Variants in MCF2L2 observed in about 807,000 individuals in gnomAD.
The protein encoded by MCF2L2 is MCF.2 cell line derived transforming sequence-like 2.
Under a neutral mutation model 150.2 loss-of-function variants are expected in MCF2L2, and 102 were observed. That is an observed-to-expected ratio of 0.68 (90% CI 0.58 to 0.80). The LOEUF (loss-of-function observed/expected upper bound fraction) is 0.80, where lower values mean the gene tolerates loss of function less well. MCF2L2 is among the 30% of genes least tolerant of loss of function. The probability of loss-of-function intolerance (pLI) is 0.00; values close to 1 mark genes in which losing one functional copy is unlikely to be tolerated. For missense variants in MCF2L2, 1,256 were observed against 1,372.8 expected, an observed-to-expected ratio of 0.91 and a Z score of 1.34; for synonymous variants, 465 against 491.3, an observed-to-expected ratio of 0.95 and a Z score of 0.71.
intron 14 of MCF2L2, among the ~76,000 whole-genome samples, chr3:183,284,753 T>C (rs1577023558): frequency 1.3e-5 from 2 of 152,076 alleles, no homozygotes; most frequent in South Asian, 2.1e-4. Flanking sequence ...ACCTCCCTAA[T>C]TAGAATCTCA....
At chr3:183,322,359 G>C (rs1162338898) in intron 6 of MCF2L2, among the ~76,000 whole-genome samples, 1 of 152,066 alleles carries the variant, frequency 6.6e-6, no homozygotes, top group South Asian at 2.1e-4. Flanking sequence ...TCACACTTTG[G>C]GCCAGAGGAT....
In MCF2L2 at chr3:183,223,368, A is replaced by C; in HGVS notation, c.2279T>G (p.Ile760Arg). ...KYLKGPSQRLIKYQMLLKGLL... is the reference protein window; with the variant it reads ...KYLKGPSQRLRKYQMLLKGLL... ...TACCTTCAACAGCATCTGGTATTTT[A>C]TAAGTCTCTGGCTTGGTCCTTTGAG... Residue 760 changes from isoleucine (I) to arginine (R), a missense_variant, in exon 20 of 30, where the codon ATA becomes AGA. Physicochemically the swap from Ile to Arg is moderately conservative, Grantham distance 97 (BLOSUM62 -3). Transcript: ENST00000328913. 1 of 1,614,038 alleles carries C rather than the reference A, an allele frequency of 6.2e-7. No individual in the cohort carries two copies. The highest frequency in any genetic ancestry group is 8.5e-7 in the Non-Finnish European group (1 of 1,179,864).
chr3:183,196,235 C>T lies in MCF2L2; in HGVS notation c.2885-980G>A, dbSNP rs567528956. ...ATGTCCTCTTCTGTCTGGTTACCTC[C>T]GAGAGGCCCTCTCTCTACATCCCTC... On this transcript the variant is annotated intron_variant, in intron 25 of 29. Transcript: ENST00000328913. 3.3e-5 allele frequency among the ~76,000 whole-genome samples: 5 copies of T among 152,298 alleles called. No homozygotes were observed. In the South Asian group the frequency reaches 6.2e-4, roughly 19 times the overall value.
intron 1 of MCF2L2, among the ~76,000 whole-genome samples, chr3:183,406,806 T>C (rs893804591): frequency 2.0e-5 from 3 of 152,142 alleles, no homozygotes; most frequent in African/African-American, 7.2e-5. Flanking sequence ...AAATCTTTTT[T>C]CCCCAGATGG....
intron 3 of MCF2L2, among the ~76,000 whole-genome samples, chr3:183,347,175 C>T (rs144020402): frequency 0.067 from 10,184 of 152,144 alleles, 785 homozygotes; most frequent in African/African-American, 0.19. Flanking sequence ...CTACAGTAAC[C>T]AAAACAGCAT....
chr3:183,293,301 G>A (rs533240569), intron 13 of MCF2L2, among the ~76,000 whole-genome samples: 1 of 152,292 alleles, frequency 6.6e-6, no homozygotes, highest in East Asian at 1.9e-4. Context: ...ATATCTGAAA[G>A]ACATAAAAAC....
chr3:183,353,929 T>A (rs528962594), intron 3 of MCF2L2, among the ~76,000 whole-genome samples: 1 of 152,274 alleles, frequency 6.6e-6, no homozygotes, highest in Non-Finnish European at 1.5e-5. Context: ...ACTTTTTTTT[T>A]AATAGGAAGA....
chr3:183,364,371 T>C (rs1159180773), intron 3 of MCF2L2, among the ~76,000 whole-genome samples: 1 of 150,572 alleles, frequency 6.6e-6, no homozygotes, highest in Non-Finnish European at 1.5e-5. Context: ...AAAAAAAAAA[T>C]TAGCTGGGCA....
chr3:183,414,089 T>C (rs1715461610), intron 1 of MCF2L2, among the ~76,000 whole-genome samples: 1 of 152,234 alleles, frequency 6.6e-6, no homozygotes, highest in African/African-American at 2.4e-5. Context: ...ACTGACTTCA[T>C]AAAATGAGTT....
chr3:183,382,935 C>A (rs1713617941), intron 2 of MCF2L2, among the ~76,000 whole-genome samples: 1 of 152,180 alleles, frequency 6.6e-6, no homozygotes, highest in African/African-American at 2.4e-5. Context: ...TGCAAAGCAT[C>A]TTCCTACTGC....
chr3:183,285,922 T>A (rs1013964713), intron 14 of MCF2L2, among the ~76,000 whole-genome samples: 1 of 152,180 alleles, frequency 6.6e-6, no homozygotes, highest in African/African-American at 2.4e-5. Flanking sequence ...GCAGTTCCCG[T>A]GAGTCATGCT....
At chr3:183,424,605 C>A (rs1353229266) in intron 1 of MCF2L2, among the ~76,000 whole-genome samples, 2 of 152,160 alleles carry the variant, frequency 1.3e-5, no homozygotes, top group African/African-American at 4.8e-5. Flanking sequence ...GCAGGTTAAA[C>A]AAGCGCACGA....
chr3:183,411,892 GT>G (rs1715331082), intron 1 of MCF2L2, among the ~76,000 whole-genome samples: 1 of 152,168 alleles, frequency 6.6e-6, no homozygotes. Context: ...CAGTTTTCTG[GT>G]ATCGCTTGCA....
chr3:183,422,809 GA>G (rs1314338005), intron 1 of MCF2L2, among the ~76,000 whole-genome samples: 3 of 152,094 alleles, frequency 2.0e-5, no homozygotes, highest in Admixed American at 2.0e-4. Flanking sequence ...ACAACTTCCA[GA>G]GGCTTTAGAA....
rs779201489 is a variant in MCF2L2, at chr3:183,402,451, C to CAAAAAAAAAAAAAAAAAAAAA, written c.77-12693_77-12673dup. 8.2e-4 allele frequency among the ~76,000 whole-genome samples: 45 copies of CAAAAAAAAAAAAAAAAAAAAA among 54,742 alleles called. 1 individual carries two copies. Among genetic ancestry groups the CAAAAAAAAAAAAAAAAAAAAA allele is most frequent in the Non-Finnish European group, 1.2e-3 (27 of 23,336 alleles). The allele number at this position is 54,742 out of a possible 152,430, so 35.9% of individuals were successfully genotyped here. A position where few individuals can be genotyped will look rare whatever the true frequency, so the allele number is the denominator to read the frequency against. ...CCTGGGCTACAGAGCGAGACTCCAT[C>CAAAAAAAAAAAAAAAAAAAAA]AAAAAAAAAAAAAAAAAAAAAAGAA... On this transcript the variant is annotated intron_variant, in intron 1 of 29. Coordinates refer to ENST00000328913, the MANE Select transcript of MCF2L2 (RefSeq NM_015078.4).
intron 1 of MCF2L2, among the ~76,000 whole-genome samples, chr3:183,396,213 G>C (rs1714449088): frequency 6.6e-6 from 1 of 152,036 alleles, no homozygotes. Flanking sequence ...GTCCTCAAAA[G>C]AAAATGTGAC....
chr3:183,423,607 G>T (rs1278829502), intron 1 of MCF2L2, among the ~76,000 whole-genome samples: 2 of 149,786 alleles, frequency 1.3e-5, no homozygotes, highest in Non-Finnish European at 3.0e-5. Context: ...AGTTACTGAC[G>T]TGGACCATTT....
intron 20 of MCF2L2, among the ~76,000 whole-genome samples, chr3:183,221,088 G>A (rs538473921): frequency 1.4e-4 from 21 of 152,148 alleles, no homozygotes; most frequent in Non-Finnish European, 2.8e-4. Flanking sequence ...TGCCCCTGGG[G>A]ATAGAGAAGG....
intron 3 of MCF2L2, 143 bp downstream of exon 3, chr3:183,379,154 T>C (rs575045985): frequency 1.8e-6 from 1 of 560,322 alleles, no homozygotes; most frequent in South Asian, 2.6e-5. Context: ...TCGTGACTGA[T>C]GGGTGACAGA....
Sources: allele counts gnomAD v4.1 joint callset (sites outside exome capture counted in the v4.1 genomes callset), GRCh38; gene constraint gnomAD v4.1.1; transcripts MANE v1.5; gene names NCBI Gene and HGNC (gene_info 2026-07-23, HGNC 2026-07-21).